Variants in ECT2L observed in about 807,000 individuals in gnomAD.
The protein encoded by ECT2L is epithelial cell-transforming sequence 2 oncogene-like.
A neutral mutation model predicts 122.8 loss-of-function variants in ECT2L; 126 were observed. That is an observed-to-expected ratio of 1.03 (90% CI 0.89 to 1.19). ECT2L has a LOEUF of 1.19. Among genes scored for constraint, ECT2L ranks in the 50% most tolerant of loss-of-function variants. ECT2L has a pLI of 0.00. For missense variants in ECT2L, 1,012 were observed against 1,064.1 expected (o/e 0.95, Z 0.68); for synonymous variants, 385 against 381.8 (o/e 1.01, Z -0.10).
At chr6:138,819,917 G>T (rs1267358114) in intron 4 of ECT2L, among the ~76,000 whole-genome samples, 1 of 151,886 alleles carries the variant, frequency 6.6e-6, no homozygotes, top group Non-Finnish European at 1.5e-5. Flanking sequence ...AAAAAACCAA[G>T]TGTTAGAATA....
rs570333160 is a variant in ECT2L at position 138,858,117 on chromosome 6, A to C, written c.1198+3963A>C. Among the ~76,000 whole-genome samples the C allele has an allele frequency of 9.2e-5, 14 of 152,232 alleles. No individual in the cohort carries two copies. The East Asian group carries it at 1.9e-3, about 21-fold the overall frequency. ...GTGAGGATTATTACAATTCAAGATG[A>C]GATTTTGGGTGGGGACACAGCCAAA... On this transcript the variant is annotated intron_variant, in intron 10 of 21. Coordinates refer to ENST00000541398, the MANE Select transcript of ECT2L (RefSeq NM_001077706.3).
chr6:138,827,836 G>C (rs1776505323), intron 4 of ECT2L, among the ~76,000 whole-genome samples: 1 of 152,158 alleles, frequency 6.6e-6, no homozygotes, highest in Non-Finnish European at 1.5e-5. Context: ...AGGATTACAG[G>C]CATAAGACAC....
intron 20 of ECT2L, among the ~76,000 whole-genome samples, chr6:138,898,692 A>G (rs1304538708): frequency 6.6e-6 from 1 of 152,214 alleles, no homozygotes; most frequent in South Asian, 2.1e-4. Context: ...AGCAAATTAA[A>G]GCCATTACCA....
chr6:138,853,919 A>C, intron 9 of ECT2L, 107 bp from the exon 10 acceptor site: 1 of 1,288,026 alleles, frequency 7.8e-7, no homozygotes, highest in Non-Finnish European at 1.1e-6. Context: ...TTGGTCTTGC[A>C]GGCAGATGGC....
At chr6:138,890,407 C>T (rs1017633644) in intron 20 of ECT2L, among the ~76,000 whole-genome samples, 2 of 151,624 alleles carry the variant, frequency 1.3e-5, no homozygotes, top group East Asian at 3.9e-4. Flanking sequence ...CACCTCCATC[C>T]TTACCTAGAC....
At chr6:138,881,599 C>A (rs540568604) in intron 15 of ECT2L, among the ~76,000 whole-genome samples, 2 of 151,658 alleles carry the variant, frequency 1.3e-5, no homozygotes, top group East Asian at 3.9e-4. Flanking sequence ...ATAATGTAAA[C>A]CAGTGGGAGC....
intron 10 of ECT2L, among the ~76,000 whole-genome samples, chr6:138,861,626 G>A (rs1777835338): frequency 6.6e-6 from 1 of 151,950 alleles, no homozygotes; most frequent in South Asian, 2.1e-4. Context: ...CTGGATATTA[G>A]CCCTTTGTCA....
At chr6:138,833,191 T>C (rs1418959339) in intron 4 of ECT2L, among the ~76,000 whole-genome samples, 1 of 152,172 alleles carries the variant, frequency 6.6e-6, no homozygotes, top group East Asian at 1.9e-4. Context: ...AAATTGGAGA[T>C]GAGATATGGG....
chr6:138,809,500 G>A (rs1389054757), intron 1 of ECT2L, among the ~76,000 whole-genome samples: 1 of 152,102 alleles, frequency 6.6e-6, no homozygotes, highest in African/African-American at 2.4e-5. Flanking sequence ...TATATACTGA[G>A]ATTATCATAT....
rs59171497 is a variant in ECT2L, at chr6:138,859,276, C to T, written c.1199-3351C>T. Among the ~76,000 whole-genome samples the T allele has an allele frequency of 3.3e-3, 497 of 152,318 alleles. 4 individuals carry two copies. The highest frequency in any genetic ancestry group is 0.011 in the African/African-American group (446 of 41,574). ...CTACTGGGAATTATTACATTCTACACGTATACCACAATTTGTTTATCCATT... is the reference window on the plus strand; with the variant it reads ...CTACTGGGAATTATTACATTCTACATGTATACCACAATTTGTTTATCCATT... On this transcript the variant is annotated intron_variant, in intron 10 of 21. Coordinates refer to ENST00000541398, the MANE Select transcript of ECT2L (RefSeq NM_001077706.3).
At chr6:138,825,339 G>A (rs1448735992) in intron 4 of ECT2L, among the ~76,000 whole-genome samples, 4 of 152,148 alleles carry the variant, frequency 2.6e-5, no homozygotes, top group Non-Finnish European at 4.4e-5. Context: ...CAGCGCTTTG[G>A]GAGGCTGAGG....
At position 138,885,702 on chromosome 6, in the gene ECT2L, C is replaced by T. The variant is rs200152435; in HGVS notation, c.2131C>T (p.Arg711Ter). ...GCCAGAGCTGCTGCTGTACCCATCC[C>T]GAAGATTTGAAGAATACCTTAATCT... ...SLPELLLYPS[R>*]RFEEYLNLLY... The change falls in exon 18 of 22, where the codon CGA becomes TGA. Residue 711 changes from arginine to a stop codon, truncating the protein, a stop_gained. Coordinates refer to ENST00000541398, the MANE Select transcript of ECT2L (RefSeq NM_001077706.3). LOFTEE classifies it high-confidence loss of function. 3.7e-6 allele frequency: 6 copies of T among 1,614,106 alleles called. No homozygotes were observed. Among genetic ancestry groups the T allele is most frequent in the South Asian group, 1.1e-5 (1 of 91,068 alleles).
intron 20 of ECT2L, among the ~76,000 whole-genome samples, 154 bp from the exon 21 acceptor site, chr6:138,900,794 A>T (rs1779370409): frequency 6.6e-6 from 1 of 152,186 alleles, no homozygotes; most frequent in African/African-American, 2.4e-5. Flanking sequence ...TCACATCAGG[A>T]GGAATATTAT....
At chr6:138,844,377 G>A (rs1777146856) in intron 6 of ECT2L, 35 bp from the exon 7 acceptor site, 1 of 1,603,178 alleles carries the variant, frequency 6.2e-7, no homozygotes, top group East Asian at 2.2e-5. Flanking sequence ...GAAGTATGAA[G>A]TAATCAGCCC....
chr6:138,850,894 G>A (rs1387419464), intron 9 of ECT2L, among the ~76,000 whole-genome samples: 6 of 150,106 alleles, frequency 4.0e-5, no homozygotes, highest in East Asian at 4.0e-4. Flanking sequence ...CCAGCTACTC[G>A]GGAGGCTGAG....
intron 20 of ECT2L, among the ~76,000 whole-genome samples, chr6:138,898,361 G>A (rs1779283640): frequency 6.6e-6 from 1 of 152,210 alleles, no homozygotes; most frequent in Non-Finnish European, 1.5e-5. Context: ...GAAAGAGCTA[G>A]CTCTAGTGGC....
At chr6:138,883,830 CAAGT>C (rs1778720647) in intron 16 of ECT2L, among the ~76,000 whole-genome samples, 1 of 152,198 alleles carries the variant, frequency 6.6e-6, no homozygotes, top group South Asian at 2.1e-4. Context: ...TGTGTGCACA[CAAGT>C]AAGTACTTAG....
At chr6:138,828,304 A>G (rs1399579012) in intron 4 of ECT2L, among the ~76,000 whole-genome samples, 4 of 152,132 alleles carry the variant, frequency 2.6e-5, no homozygotes, top group Non-Finnish European at 5.9e-5. Context: ...ATTGCAATTG[A>G]TTAATATGAC....
intron 11 of ECT2L, among the ~76,000 whole-genome samples, chr6:138,864,002 TAAAAAAAAAAAA>T (rs1172466449): frequency 3.6e-5 from 2 of 55,846 alleles, no homozygotes; most frequent in Non-Finnish European, 5.9e-5. Flanking sequence ...TCTCCGTATT[TAAAAAAAAAAAA>T]AAAAAAAAAA....
Sources: gnomAD v4.1 joint callset for allele counts (sites outside exome capture counted in the v4.1 genomes callset) on GRCh38, gnomAD v4.1.1 for gene constraint, MANE v1.5 for transcripts, NCBI Gene and HGNC (gene_info 2026-07-23, HGNC 2026-07-21) for gene names.